The following PLXNA1 variants were observed in gnomAD, a reference collection of about 807,000 sequenced individuals.
PLXNA1 encodes the protein plexin A1, also known as plexin-A1.
Under a neutral mutation model 191.7 loss-of-function variants are expected in PLXNA1, and 77 were observed. That is an observed-to-expected ratio of 0.40 (90% CI 0.33 to 0.49). The LOEUF (loss-of-function observed/expected upper bound fraction) is 0.49. Ranked by LOEUF, PLXNA1 falls within the 20% of genes least tolerant of loss-of-function variation. The probability of loss-of-function intolerance (pLI) is 0.63; values close to 1 mark genes in which losing one functional copy is unlikely to be tolerated. For missense variants in PLXNA1, 2,110 were observed against 2,660.2 expected (o/e 0.79, Z 4.55); for synonymous variants, 1,137 against 1,156.4 (o/e 0.98, Z 0.34).
chr3:127,023,197 C>T (rs1028000611), intron 23 of PLXNA1, among the ~76,000 whole-genome samples: 12 of 152,170 alleles, frequency 7.9e-5, no homozygotes, highest in South Asian at 2.1e-4. Flanking sequence ...GACAGGTGAC[C>T]GCACTGGGCT....
In PLXNA1 at chr3:127,009,366, G is replaced by A. The variant is rs377195710; in HGVS notation, c.2112+1453G>A. On this transcript the variant is annotated intron_variant, in intron 9 of 31. Coordinates refer to ENST00000393409, the MANE Select transcript of PLXNA1 (RefSeq NM_032242.4). Reference sequence around the variant, plus strand: ...AGTAGTGGCCCTAGGCCTCAGGGTTGGGGAGGCAGAGCAGGCAGGGCTGGG... The same window carrying A: ...AGTAGTGGCCCTAGGCCTCAGGGTTAGGGAGGCAGAGCAGGCAGGGCTGGG... Among the ~76,000 whole-genome samples the A allele has an allele frequency of 1.8e-4, 28 of 152,198 alleles. 1 individual carries two copies. The South Asian group carries it at 5.8e-3, about 32-fold the overall frequency.
At position 127,032,704 on chromosome 3, in the gene PLXNA1, C is replaced by T. The variant is rs1307427218; in HGVS notation, c.5463C>T (p.Ala1821=). 1.2e-6 allele frequency: 2 copies of T among 1,613,350 alleles called. No homozygotes were observed. Among genetic ancestry groups the T allele is most frequent in the Middle Eastern group, 1.6e-4 (1 of 6,062 alleles). The part of the protein sequence containing the change: ...SWVERYYADI[A]KMPAISDQDM... ...CCTGCAGGTACTATGCAGACATCGCCAAGATGCCAGCCATCAGCGACCAGG... is the reference window on the plus strand; with the variant it reads ...CCTGCAGGTACTATGCAGACATCGCTAAGATGCCAGCCATCAGCGACCAGG... The change falls in exon 31 of 32, where the codon GCC becomes GCT. Residue 1821 remains alanine (A), a synonymous_variant. Transcript: ENST00000393409.
intron 10 of PLXNA1, among the ~76,000 whole-genome samples, chr3:127,013,798 A>G (rs1297012884): frequency 1.3e-5 from 2 of 152,192 alleles, no homozygotes; most frequent in Non-Finnish European, 2.9e-5. Flanking sequence ...TGTGGGAAGC[A>G]CAGAGGTTCC....
At chr3:127,007,756 G>C in intron 8 of PLXNA1, 43 bp from the exon 9 acceptor site, 1 of 1,289,818 alleles carries the variant, frequency 7.8e-7, no homozygotes, top group Non-Finnish European at 1.1e-6. Context: ...GACTCCACGT[G>C]GTTGCGGGTC....
intron 3 of PLXNA1, among the ~76,000 whole-genome samples, chr3:126,994,006 T>C (rs528537146): frequency 6.6e-6 from 1 of 152,238 alleles, no homozygotes; most frequent in African/African-American, 2.4e-5. Flanking sequence ...CTCTGAGCCT[T>C]GGTGTCTCCT....
chr3:126,986,678 G>C lies in PLXNA1; in HGVS notation c.-73-1843G>C, dbSNP rs146414642. Among the ~76,000 whole-genome samples the C allele has an allele frequency of 1.5e-3, 227 of 152,308 alleles. 1 individual carries two copies. In the East Asian group the frequency reaches 0.021, roughly 14 times the overall value. On this transcript the variant is annotated intron_variant, in intron 1 of 31. Transcript: ENST00000393409. ...TCTCACAGGGCAGCCATTCTGGCCGGGAGAATGGGAGCAATAAGTAATAGA... is the reference window on the plus strand; with the variant it reads ...TCTCACAGGGCAGCCATTCTGGCCGCGAGAATGGGAGCAATAAGTAATAGA...
chr3:127,032,939 G>A, intron 31 of PLXNA1, 103 bp downstream of exon 31: 2 of 1,289,604 alleles, frequency 1.6e-6, no homozygotes, highest in Non-Finnish European at 2.2e-6. Context: ...GAATCTCTGG[G>A]CTGCCACTGA....
At chr3:127,011,134 C>T (rs1175067225) in intron 9 of PLXNA1, among the ~76,000 whole-genome samples, 2 of 152,250 alleles carry the variant, frequency 1.3e-5, no homozygotes, top group South Asian at 2.1e-4. Flanking sequence ...CCTGTGCCTT[C>T]CGGCTGCAGC....
At chr3:127,031,072 G>C (rs564729319) in intron 29 of PLXNA1, among the ~76,000 whole-genome samples, 1 of 152,114 alleles carries the variant, frequency 6.6e-6, no homozygotes, top group Admixed American at 6.5e-5. Context: ...GCTTTCCTCC[G>C]GCCTGGCCCA....
At chr3:127,029,215 G>T (rs952627233) in intron 26 of PLXNA1, 119 bp downstream of exon 26, 2 of 877,884 alleles carry the variant, frequency 2.3e-6, no homozygotes, top group South Asian at 1.6e-5. Flanking sequence ...AGGGAGAGGA[G>T]GGGAGGTGGT....
intron 9 of PLXNA1, 101 bp downstream of exon 9, chr3:127,008,014 C>T (rs2079077188): frequency 2.7e-6 from 2 of 729,772 alleles, no homozygotes; most frequent in East Asian, 2.7e-5. Flanking sequence ...CCAGGGAGCA[C>T]CTGTGGATGT....
At chr3:126,995,060 A>G (rs2079008716) in intron 3 of PLXNA1, among the ~76,000 whole-genome samples, 1 of 152,026 alleles carries the variant, frequency 6.6e-6, no homozygotes, top group Admixed American at 6.5e-5. Context: ...CCGGGCTTTA[A>G]AAAGTGTCTG....
intron 7 of PLXNA1, among the ~76,000 whole-genome samples, chr3:127,005,536 A>G (rs1032141777): frequency 1.3e-5 from 2 of 152,208 alleles, no homozygotes; most frequent in African/African-American, 4.8e-5. Context: ...CCATAGACAC[A>G]TGAGCATACT....
At chr3:126,987,061 G>T (rs2107619416) in intron 1 of PLXNA1, among the ~76,000 whole-genome samples, 1 of 152,372 alleles carries the variant, frequency 6.6e-6, no homozygotes, top group East Asian at 1.9e-4. Flanking sequence ...CACATCCAGG[G>T]CAGCAGGCCC....
chr3:127,017,249 T>G (rs2079128392), intron 17 of PLXNA1, among the ~76,000 whole-genome samples, 176 bp from the exon 18 acceptor site: 1 of 152,144 alleles, frequency 6.6e-6, no homozygotes, highest in Non-Finnish European at 1.5e-5. Context: ...CACACACCTC[T>G]CCTTCAGGCC....
chr3:127,018,229 G>A lies in PLXNA1; in HGVS notation c.3661-65G>A, dbSNP rs968120802. 1.6e-5 allele frequency: 22 copies of A among 1,411,356 alleles called. No individual in the cohort carries two copies. In the Admixed American group the frequency reaches 3.7e-4, roughly 23 times the overall value. 87.4% of individuals were successfully genotyped at this position (1,411,356 alleles called of 1,614,324 possible). On this transcript the variant is annotated intron_variant, in intron 19 of 31. Coordinates refer to ENST00000393409, the MANE Select transcript of PLXNA1 (RefSeq NM_032242.4). ...GTGTTGGGGGTGGGTCTTGCCCATC[G>A]GGAGGGGCTCCCAAGCTTTGTGGAA...
rs540896495 is a variant in PLXNA1 at position 126,990,009 on chromosome 3, CTGTCTTG to C, written c.1194+225_1194+231del. ...CCAAAGGCTGCTCCCAGCCATGATG[CTGTCTTG>C]TGCCTCAGAAGATGGGGTGACGAGG... is the stretch of plus-strand genomic sequence containing the variant. On this transcript the variant is annotated intron_variant, in intron 2 of 31. Coordinates refer to ENST00000393409, the MANE Select transcript of PLXNA1 (RefSeq NM_032242.4). Among the ~76,000 whole-genome samples the C allele has an allele frequency of 2.5e-3, 385 of 152,380 alleles. 1 individual carries two copies. The highest frequency in any genetic ancestry group is 3.7e-3 in the Non-Finnish European group (254 of 68,042).
intron 4 of PLXNA1, among the ~76,000 whole-genome samples, chr3:127,004,228 C>T (rs2079054607): frequency 6.6e-6 from 1 of 152,222 alleles, no homozygotes; most frequent in Non-Finnish European, 1.5e-5. Flanking sequence ...GCCCAGCCTG[C>T]CCCTCTGAGC....
In PLXNA1 at chr3:126,989,507, C is replaced by A. The variant is rs1340271054; in HGVS notation, c.914C>A (p.Ala305Glu). ...GAGTTCCCCATTGGCTGCGAGCAGG[C>A]GGGTGTGGAGTACCGCCTGGTGCAG... ...YVEFPIGCEQ[A>E]GVEYRLVQDA... Residue 305 changes from alanine to glutamate, a missense_variant, in exon 2 of 32, where the codon GCG (alanine) becomes GAG (glutamate). Physicochemically the swap from Ala to Glu is moderately radical, Grantham distance 107. This residue lies in a region of PLXNA1 where 903 missense variants were observed against 1,015.7 expected (regional missense o/e 0.89). Transcript: ENST00000393409. 1 of 1,613,348 alleles carries A rather than the reference C, an allele frequency of 6.2e-7. No homozygotes were observed. Among genetic ancestry groups the A allele is most frequent in the Non-Finnish European group, 8.5e-7 (1 of 1,180,032 alleles).
Sources: allele counts gnomAD v4.1 joint callset (sites outside exome capture counted in the v4.1 genomes callset), GRCh38; gene constraint gnomAD v4.1.1; regional missense constraint gnomAD v4.1.1; transcripts MANE v1.5; gene names NCBI Gene and HGNC (gene_info 2026-07-23, HGNC 2026-07-21).